DNAAF11: variants seen among roughly 807,000 people sequenced by gnomAD.
DNAAF11 encodes the protein leucine rich repeat containing 6.
In DNAAF11, 45 loss-of-function variants were observed where a neutral mutation model predicts 60.8. The observed-to-expected ratio is 0.74, with a 90% CI of 0.58 to 0.95. The LOEUF (loss-of-function observed/expected upper bound fraction) is 0.95. DNAAF11 is among the 40% of genes least tolerant of loss of function. The pLI, the probability that DNAAF11 is intolerant of heterozygous loss-of-function variation, is 0.00. For missense variants in DNAAF11, 546 were observed against 546.2 expected (o/e 1.00, Z 0.00); for synonymous variants, 191 against 183.5 (o/e 1.04, Z -0.33).
chr8:132,666,374 T>C (rs1174453338), intron 1 of DNAAF11, among the ~76,000 whole-genome samples: 1 of 152,216 alleles, frequency 6.6e-6, no homozygotes, highest in Non-Finnish European at 1.5e-5. Context: ...ATACAGTATA[T>C]GTATTGAAAC....
At chr8:132,587,322 T>C (rs544645358) in intron 10 of DNAAF11, among the ~76,000 whole-genome samples, 2 of 152,300 alleles carry the variant, frequency 1.3e-5, no homozygotes, top group African/African-American at 2.4e-5. Flanking sequence ...TTAGAAGGAA[T>C]TAAGGAGTCA....
the DNAAF11 span, among the ~76,000 whole-genome samples, chr8:132,691,566 C>G: frequency 1.3e-5 from 2 of 152,218 alleles, no homozygotes; most frequent in Admixed American, 1.3e-4. Context: ...CACTGATTCA[C>G]AGTTCTGCAT....
intron 10 of DNAAF11, among the ~76,000 whole-genome samples, chr8:132,603,713 C>T (rs1394804910): frequency 1.3e-5 from 2 of 151,734 alleles, no homozygotes; most frequent in South Asian, 4.2e-4. Flanking sequence ...ATGAAGTGGA[C>T]CAGGGCGGTA....
chr8:132,578,751 C>G (rs1432772329), intron 11 of DNAAF11, among the ~76,000 whole-genome samples: 1 of 152,196 alleles, frequency 6.6e-6, no homozygotes, highest in Non-Finnish European at 1.5e-5. Context: ...TCACAAGGAA[C>G]TGCAAGGTCA....
the DNAAF11 span, among the ~76,000 whole-genome samples, chr8:132,701,466 T>C: frequency 6.6e-6 from 1 of 152,142 alleles, no homozygotes; most frequent in African/African-American, 2.4e-5. Flanking sequence ...TGGGAAGCTT[T>C]TCTGTCTGCC....
chr8:132,599,711 A>G (rs995814412), intron 10 of DNAAF11, among the ~76,000 whole-genome samples: 4 of 152,244 alleles, frequency 2.6e-5, no homozygotes, highest in African/African-American at 7.2e-5. Flanking sequence ...AAGGCCTTTG[A>G]CAAAATTCAA....
upstream of DNAAF11, among the ~76,000 whole-genome samples, chr8:132,678,682 G>C (rs1485597252): frequency 6.6e-6 from 1 of 151,804 alleles, no homozygotes; most frequent in Non-Finnish European, 1.5e-5. Flanking sequence ...ACCGTGACTG[G>C]TGCCTAGTGC....
In DNAAF11 at chr8:132,608,119, T is replaced by C. The variant is rs373444949; in HGVS notation, c.1140+2047A>G. 6.6e-5 allele frequency among the ~76,000 whole-genome samples: 10 copies of C among 152,100 alleles called. No homozygotes were observed. The East Asian group carries it at 1.7e-3, about 26-fold the overall frequency. ...TTAGAATTTTTTTAACTTTTGGTGG[T>C]TTTTAAGATCCTTGCAAATAACTAC... is the stretch of plus-strand genomic sequence containing the variant. On this transcript the variant is annotated intron_variant, in intron 10 of 11. Transcript: ENST00000620350.
intron 10 of DNAAF11, among the ~76,000 whole-genome samples, chr8:132,594,558 G>A (rs1043888251): frequency 5.3e-5 from 8 of 152,136 alleles, no homozygotes; most frequent in Non-Finnish European, 7.4e-5. Context: ...CATGTGTCAA[G>A]GAGGGACCTG....
At chr8:132,633,627 A>G (rs1821019718) in intron 4 of DNAAF11, among the ~76,000 whole-genome samples, 1 of 152,176 alleles carries the variant, frequency 6.6e-6, no homozygotes, top group Non-Finnish European at 1.5e-5. Context: ...TCCATGTTCT[A>G]ATCTCCATGA....
chr8:132,596,712 T>C (rs1267716460), intron 10 of DNAAF11, among the ~76,000 whole-genome samples: 5 of 152,176 alleles, frequency 3.3e-5, no homozygotes, highest in Non-Finnish European at 5.9e-5. Context: ...CTGACTTGCC[T>C]AGGCTACTTT....
intron 7 of DNAAF11, 45 bp from the exon 8 acceptor site, chr8:132,615,142 T>C: frequency 8.5e-7 from 1 of 1,171,746 alleles, no homozygotes; most frequent in Non-Finnish European, 1.3e-6. Context: ...GTCTTTAGGA[T>C]ACTGTATAGA....
intron 2 of DNAAF11, among the ~76,000 whole-genome samples, chr8:132,657,777 T>G (rs568643272): frequency 1.2e-4 from 18 of 152,364 alleles, no homozygotes; most frequent in African/African-American, 4.1e-4. Flanking sequence ...ATATATTACC[T>G]TATTTAATCC....
chr8:132,653,356 T>C (rs908806935), intron 3 of DNAAF11, among the ~76,000 whole-genome samples: 13 of 152,250 alleles, frequency 8.5e-5, no homozygotes, highest in African/African-American at 2.6e-4. Context: ...TGAGAGTTTT[T>C]CACTAACAGA....
At chr8:132,572,625 G>A in intron 11 of DNAAF11, 145 bp from the exon 12 acceptor site, 1 of 519,020 alleles carries the variant, frequency 1.9e-6, no homozygotes, top group Non-Finnish European at 3.3e-6. Flanking sequence ...AATGTCCCTA[G>A]CATCAAGAAG....
intron 5 of DNAAF11, among the ~76,000 whole-genome samples, chr8:132,626,362 T>C (rs561612767): frequency 3.9e-5 from 6 of 152,306 alleles, no homozygotes; most frequent in African/African-American, 1.2e-4. Context: ...GCACTTTTTA[T>C]ATTATGGCCT....
chr8:132,695,746 GT>G, the DNAAF11 span, among the ~76,000 whole-genome samples: 1 of 152,130 alleles, frequency 6.6e-6, no homozygotes, highest in Admixed American at 6.5e-5. Context: ...CCGGATGTGT[GT>G]TTTTTTCACA....
rs138596229 is a variant in DNAAF11 at position 132,667,775 on chromosome 8, T to C, written c.11-6148A>G. On this transcript the variant is annotated intron_variant, in intron 1 of 11. Coordinates refer to ENST00000620350, the MANE Select transcript of DNAAF11 (RefSeq NM_012472.6). Reference sequence around the variant, plus strand: ...CCTAAGTTTCTTTCCAATTCCTTAATATGAATGAGTTCTCCAAAATTTGAG... The same window carrying C: ...CCTAAGTTTCTTTCCAATTCCTTAACATGAATGAGTTCTCCAAAATTTGAG... Among the ~76,000 whole-genome samples, 325 of 152,300 alleles carry C rather than the reference T, an allele frequency of 2.1e-3. 1 individual carries two copies. Among genetic ancestry groups the C allele is most frequent in the African/African-American group, 7.2e-3 (300 of 41,562 alleles).
chr8:132,582,895 A>G (rs1055641119), intron 11 of DNAAF11, among the ~76,000 whole-genome samples: 4 of 152,242 alleles, frequency 2.6e-5, no homozygotes, highest in African/African-American at 9.6e-5. Context: ...AGTTGGAAGA[A>G]CTGGGATCTC....
Sources: allele counts gnomAD v4.1 joint callset (sites outside exome capture counted in the v4.1 genomes callset), GRCh38; gene constraint gnomAD v4.1.1; transcripts MANE v1.5; gene names NCBI Gene and HGNC (gene_info 2026-07-23, HGNC 2026-07-21).